CDH13: variants seen among roughly 807,000 people sequenced by gnomAD.
CDH13 encodes cadherin-13.
A neutral mutation model predicts 63.8 loss-of-function variants in CDH13; 24 were observed. The observed-to-expected ratio is 0.38, with a 90% CI of 0.27 to 0.53. The LOEUF is 0.53. CDH13 is among the 20% of genes least tolerant of loss of function. The pLI, the probability that CDH13 is intolerant of heterozygous loss-of-function variation, is 0.85. For missense variants in CDH13, 1,049 were observed against 903.1 expected (o/e 1.16, Z -2.07); for synonymous variants, 503 against 355.3 (o/e 1.42, Z -4.67).
chr16:83,401,395 T>G (rs2091966138), intron 6 of CDH13, among the ~76,000 whole-genome samples: 1 of 150,060 alleles, frequency 6.7e-6, no homozygotes, highest in South Asian at 2.1e-4. Context: ...CCAGGCGTGG[T>G]AGGCGTGGTG....
At chr16:82,882,655 G>T (rs35359335) in intron 2 of CDH13, among the ~76,000 whole-genome samples, 2 of 151,594 alleles carry the variant, frequency 1.3e-5, no homozygotes, top group Non-Finnish European at 1.5e-5. Flanking sequence ...CCTTCTTTCC[G>T]TTCTCCCTTT....
chr16:83,712,111 T>C (rs989825637), intron 10 of CDH13, among the ~76,000 whole-genome samples: 1 of 152,234 alleles, frequency 6.6e-6, no homozygotes, highest in Non-Finnish European at 1.5e-5. Context: ...CCCACTATAG[T>C]GATCTCCTTT....
intron 3 of CDH13, among the ~76,000 whole-genome samples, chr16:83,043,283 G>GA (rs1917483244): frequency 2.6e-5 from 4 of 151,968 alleles, no homozygotes; most frequent in Non-Finnish European, 4.4e-5. Context: ...ATTCTTGGGG[G>GA]AAAAACTGAT....
chr16:83,115,310 A>G (rs538105132), intron 3 of CDH13, among the ~76,000 whole-genome samples: 9 of 152,328 alleles, frequency 5.9e-5, no homozygotes, highest in Admixed American at 2.0e-4. Flanking sequence ...AAGTGAGATA[A>G]TCATACAATG....
At chr16:82,941,440 G>A (rs1904285623) in intron 2 of CDH13, among the ~76,000 whole-genome samples, 1 of 152,180 alleles carries the variant, frequency 6.6e-6, no homozygotes, top group African/African-American at 2.4e-5. Flanking sequence ...CTAGCTCTAA[G>A]ATCAGCTTCT....
chr16:82,831,038 C>G (rs918214696), intron 1 of CDH13, among the ~76,000 whole-genome samples: 27 of 152,104 alleles, frequency 1.8e-4, no homozygotes, highest in African/African-American at 6.0e-4. Flanking sequence ...CTCCTTTATT[C>G]TCTAGAGTGC....
chr16:83,242,766 T>C (rs1281778382), intron 5 of CDH13, among the ~76,000 whole-genome samples: 1 of 152,208 alleles, frequency 6.6e-6, no homozygotes, highest in Non-Finnish European at 1.5e-5. Context: ...CTGAGGCTGC[T>C]TCCAGATGCA....
At chr16:83,530,491 T>A (rs2075059452) in intron 7 of CDH13, among the ~76,000 whole-genome samples, 2 of 152,216 alleles carry the variant, frequency 1.3e-5, no homozygotes, top group Admixed American at 6.5e-5. Context: ...TGTGGCTCTG[T>A]CCTTGAGGAC....
At chr16:82,766,854 C>T (rs888248977) in intron 1 of CDH13, among the ~76,000 whole-genome samples, 1 of 151,960 alleles carries the variant, frequency 6.6e-6, no homozygotes, top group African/African-American at 2.4e-5. Context: ...TATTTGTACC[C>T]GACATACAAT....
intron 1 of CDH13, among the ~76,000 whole-genome samples, chr16:82,706,867 A>G (rs972313781): frequency 7.9e-5 from 12 of 152,166 alleles, no homozygotes; most frequent in Non-Finnish European, 1.5e-4. Flanking sequence ...GTTCTCAGTG[A>G]ATTAGGTATA....
intron 1 of CDH13, chr16:82,844,616 A>G (rs1597781099): frequency 6.8e-6 from 1 of 146,252 alleles, no homozygotes; most frequent in African/African-American, 2.5e-5. Flanking sequence ...AAGAAAAAAA[A>G]AAGAACTATA....
intron 4 of CDH13, among the ~76,000 whole-genome samples, chr16:83,187,650 G>A (rs971216339): frequency 6.6e-6 from 1 of 152,032 alleles, no homozygotes; most frequent in African/African-American, 2.4e-5. Flanking sequence ...TCTCCATTCA[G>A]CAAAAATGCA....
chr16:83,781,758 G>C (rs901123741), intron 12 of CDH13, among the ~76,000 whole-genome samples: 2 of 151,614 alleles, frequency 1.3e-5, no homozygotes, highest in Non-Finnish European at 2.9e-5. Flanking sequence ...TCTCATTCAA[G>C]AGTTTCTTTT....
chr16:83,691,337 T>TAG (rs1904860990), intron 10 of CDH13, among the ~76,000 whole-genome samples: 2 of 152,086 alleles, frequency 1.3e-5, no homozygotes, highest in Non-Finnish European at 2.9e-5. Flanking sequence ...GTGCTACAGA[T>TAG]AGAAGCCTGG....
chr16:83,550,606 A>T (rs1232921249), intron 7 of CDH13, among the ~76,000 whole-genome samples: 1 of 152,244 alleles, frequency 6.6e-6, no homozygotes, highest in Admixed American at 6.5e-5. Flanking sequence ...CTGTGGGCAC[A>T]TGAGGAGGGG....
intron 5 of CDH13, among the ~76,000 whole-genome samples, chr16:83,325,675 G>C (rs954143591): frequency 1.3e-5 from 2 of 152,074 alleles, no homozygotes; most frequent in African/African-American, 2.4e-5. Context: ...TTTGATACTT[G>C]ATACCTTCAC....
At chr16:83,738,788 C>G (rs1415647330) in intron 10 of CDH13, among the ~76,000 whole-genome samples, 1 of 152,184 alleles carries the variant, frequency 6.6e-6, no homozygotes, top group Non-Finnish European at 1.5e-5. Context: ...TGCCTGTAAT[C>G]TCAGCTACTT....
intron 8 of CDH13, among the ~76,000 whole-genome samples, chr16:83,622,350 CTTCCGGCCCCATGGGA>C (rs1285211282): frequency 6.6e-6 from 1 of 152,178 alleles, no homozygotes; most frequent in Non-Finnish European, 1.5e-5. Context: ...TCTACACACT[CTTCCGGCCCCATGGGA>C]TTCCGAAATG....
chr16:83,322,512 A>G (rs1211669263), intron 5 of CDH13, among the ~76,000 whole-genome samples: 1 of 152,180 alleles, frequency 6.6e-6, no homozygotes, highest in Non-Finnish European at 1.5e-5. Flanking sequence ...CATATACACT[A>G]GACACTGGGG....
Sources: gnomAD v4.1 joint callset for allele counts (sites outside exome capture counted in the v4.1 genomes callset) on GRCh38, gnomAD v4.1.1 for gene constraint, MANE v1.5 for transcripts, NCBI Gene and HGNC (gene_info 2026-07-23, HGNC 2026-07-21) for gene names.